The following CCDC146 variants were observed in gnomAD, a reference collection of about 807,000 sequenced individuals.
CCDC146 encodes coiled-coil domain-containing protein 146.
In CCDC146, 92 loss-of-function variants were observed where a neutral mutation model predicts 119.3. That is an observed-to-expected ratio of 0.77 (90% CI 0.65 to 0.92). The LOEUF (loss-of-function observed/expected upper bound fraction) is 0.92. Ranked by LOEUF, CCDC146 falls within the 40% of genes least tolerant of loss-of-function variation. The pLI is 0.00. For missense variants in CCDC146, 1,000 were observed against 1,103.0 expected, an observed-to-expected ratio of 0.91 and a Z score of 1.32; for synonymous variants, 372 against 371.8, an observed-to-expected ratio of 1.00 and a Z score of -0.01.
intron 2 of CCDC146, among the ~76,000 whole-genome samples, chr7:77,225,131 C>T (rs1451074676): frequency 1.3e-5 from 2 of 152,172 alleles, no homozygotes; most frequent in Non-Finnish European, 2.9e-5. Flanking sequence ...CTGATTAAGA[C>T]TTTATTTGTA....
intron 1 of CCDC146, among the ~76,000 whole-genome samples, chr7:77,164,383 G>A (rs1343194164): frequency 6.6e-6 from 1 of 152,042 alleles, no homozygotes; most frequent in Non-Finnish European, 1.5e-5. Context: ...ATAAAGTATT[G>A]TAATGCCATA....
intron 2 of CCDC146, among the ~76,000 whole-genome samples, chr7:77,209,708 G>A (rs1177872056): frequency 1.3e-5 from 2 of 152,200 alleles, no homozygotes; most frequent in African/African-American, 2.4e-5. Flanking sequence ...GGGCATTTCC[G>A]TACATCCCTT....
chr7:77,241,624 C>T, intron 3 of CCDC146, 67 bp from the exon 4 acceptor site: 2 of 1,366,682 alleles, frequency 1.5e-6, no homozygotes, highest in East Asian at 2.3e-5. Flanking sequence ...CCTCACTAGA[C>T]CCCCACAGGA....
chr7:77,171,524 A>C (rs908156521), intron 2 of CCDC146, among the ~76,000 whole-genome samples: 1 of 152,024 alleles, frequency 6.6e-6, no homozygotes, highest in Non-Finnish European at 1.5e-5. Flanking sequence ...GCTCCCTGCC[A>C]CCTCCAGACT....
chr7:77,180,809 T>C (rs547294494), intron 2 of CCDC146, among the ~76,000 whole-genome samples: 2 of 152,348 alleles, frequency 1.3e-5, no homozygotes, highest in African/African-American at 4.8e-5. Flanking sequence ...CAAGGCACTC[T>C]TTATAGACGT....
rs541308475 is a variant in CCDC146, at chr7:77,277,028, C to T, written c.1441-1724C>T. Among the ~76,000 whole-genome samples, 34 of 152,040 alleles carry T rather than the reference C, an allele frequency of 2.2e-4. No individual in the cohort carries two copies. The South Asian group carries it at 6.7e-3, about 30-fold the overall frequency. ...CGGAGGTTGCAGTGAGCTGAGATTG[C>T]GCCACTGCACTCCAGCCTGGGTGAC... On this transcript the variant is annotated intron_variant, in intron 11 of 18. Transcript: ENST00000285871.
intron 1 of CCDC146, among the ~76,000 whole-genome samples, chr7:77,133,968 C>T (rs903571981): frequency 1.2e-4 from 18 of 152,026 alleles, no homozygotes; most frequent in African/African-American, 4.8e-5. Context: ...AGTACACAAT[C>T]GTCCCTTGGT....
At chr7:77,275,976 G>A (rs1328043685) in intron 11 of CCDC146, among the ~76,000 whole-genome samples, 1 of 152,178 alleles carries the variant, frequency 6.6e-6, no homozygotes, top group Admixed American at 6.5e-5. Context: ...GGAGGCTGAG[G>A]CGGGTGGATA....
At chr7:77,247,267 T>G (rs1479877706) in intron 4 of CCDC146, among the ~76,000 whole-genome samples, 1 of 152,244 alleles carries the variant, frequency 6.6e-6, no homozygotes, top group African/African-American at 2.4e-5. Context: ...ATTTTATGTT[T>G]GTTTAAACAT....
chr7:77,293,284 A>G (rs1428729048), intron 18 of CCDC146, 84 bp downstream of exon 18: 1 of 1,477,120 alleles, frequency 6.8e-7, no homozygotes, highest in Non-Finnish European at 9.1e-7. Context: ...CCACAGTATA[A>G]GAAAAATTTC....
intron 2 of CCDC146, chr7:77,199,175 A>G (rs1371501276): frequency 6.2e-7 from 1 of 1,609,376 alleles, no homozygotes; most frequent in Admixed American, 1.7e-5. Context: ...ACATTATTAT[A>G]CATACCTGGA....
At chr7:77,199,054 G>A in intron 2 of CCDC146, 2 of 795,498 alleles carry the variant, frequency 2.5e-6, no homozygotes, top group Non-Finnish European at 2.0e-6. Context: ...TTTTTCCTGT[G>A]CACCTTGATA....
In CCDC146 at chr7:77,280,735, A is replaced by C. The variant is rs938819363; in HGVS notation, c.1919+82A>C. ...TTTTTCTATCTAGACTTGACAGTGA[A>C]TAGTGAGGGAAATGTGATATTCAGG... On this transcript the variant is annotated intron_variant, in intron 14 of 18. Transcript: ENST00000285871. 13 of 908,926 alleles carry C rather than the reference A, an allele frequency of 1.4e-5. No individual in the cohort carries two copies. In the African/African-American group the frequency reaches 2.2e-4, roughly 15 times the overall value. 56.3% of individuals were successfully genotyped at this position (908,926 alleles called of 1,614,324 possible). A position where few individuals can be genotyped will look rare whatever the true frequency, so the allele number is the denominator to read the frequency against.
At chr7:77,273,830 T>C (rs761119649) in intron 10 of CCDC146, 41 bp downstream of exon 10, 5 of 1,343,562 alleles carry the variant, frequency 3.7e-6, no homozygotes, top group Non-Finnish European at 5.3e-6. Context: ...CTAAGAAGCG[T>C]TCATACAAAG....
At chr7:77,195,415 A>G (rs1005998072) in intron 2 of CCDC146, 4 of 152,176 alleles carry the variant, frequency 2.6e-5, no homozygotes, top group African/African-American at 4.8e-5. Context: ...AATGACAAGT[A>G]TTTTATATTT....
intron 1 of CCDC146, among the ~76,000 whole-genome samples, chr7:77,156,700 A>G (rs1791183357): frequency 6.6e-6 from 1 of 152,240 alleles, no homozygotes; most frequent in Admixed American, 6.5e-5. Context: ...GAATAACTGC[A>G]ATCATTTTAT....
chr7:77,243,970 C>A (rs1433984818), intron 4 of CCDC146, among the ~76,000 whole-genome samples: 2 of 152,156 alleles, frequency 1.3e-5, no homozygotes, highest in African/African-American at 4.8e-5. Flanking sequence ...CCTCCACTTG[C>A]TGGGTTCAAG....
intron 2 of CCDC146, among the ~76,000 whole-genome samples, chr7:77,190,460 C>A (rs1253833244): frequency 6.6e-6 from 1 of 152,124 alleles, no homozygotes; most frequent in Non-Finnish European, 1.5e-5. Context: ...TGGGGCATGC[C>A]CTGATGATGA....
chr7:77,289,553 A>G (rs1793906781), intron 17 of CCDC146, among the ~76,000 whole-genome samples: 1 of 152,258 alleles, frequency 6.6e-6, no homozygotes, highest in Admixed American at 6.5e-5. Context: ...AGAAAGATGG[A>G]TAAATGATCT....
Sources: gnomAD v4.1 joint callset for allele counts (sites outside exome capture counted in the v4.1 genomes callset) on GRCh38, gnomAD v4.1.1 for gene constraint, MANE v1.5 for transcripts, NCBI Gene and HGNC (gene_info 2026-07-23, HGNC 2026-07-21) for gene names.